TMEFF1: variants seen among roughly 807,000 people sequenced by gnomAD.
TMEFF1 encodes tomoregulin-1.
Under a neutral mutation model 47.5 loss-of-function variants are expected in TMEFF1, and 20 were observed. The ratio of observed to expected loss-of-function variants is 0.42; its 90% CI spans 0.30 to 0.61. The LOEUF (loss-of-function observed/expected upper bound fraction) is 0.61, where lower values mean the gene tolerates loss of function less well. Among genes scored for constraint, TMEFF1 ranks in the 20% least tolerant of loss-of-function variants. The pLI is 0.19. For missense variants in TMEFF1, 411 were observed against 471.1 expected (o/e 0.87, Z 1.18); for synonymous variants, 162 against 166.3 (o/e 0.97, Z 0.20).
intron 5 of TMEFF1, among the ~76,000 whole-genome samples, chr9:100,538,214 G>A (rs1200545264): frequency 6.6e-6 from 1 of 152,066 alleles, no homozygotes; most frequent in Non-Finnish European, 1.5e-5. Context: ...CACCACGCCC[G>A]GCTAATTTTG....
intron 3 of TMEFF1, among the ~76,000 whole-genome samples, chr9:100,511,357 C>T (rs997120533): frequency 5.1e-4 from 78 of 152,132 alleles, no homozygotes; most frequent in Non-Finnish European, 2.9e-4. Flanking sequence ...CAAGACCTCG[C>T]CTTAACCTAA....
Position 100,577,215 on chromosome 9 carries a change from G to A in TMEFF1, c.*615G>A, listed in dbSNP as rs146592842. The A allele has an allele frequency of 5.6e-3, 856 of 152,686 alleles. 6 individuals carry two copies. Among genetic ancestry groups the A allele is most frequent in the Non-Finnish European group, 7.8e-3 (528 of 67,986 alleles). 9.5% of individuals were successfully genotyped at this position (152,686 alleles called of 1,614,324 possible). On this transcript the variant is annotated 3_prime_UTR_variant, in exon 10 of 10. Coordinates refer to ENST00000374879, the MANE Select transcript of TMEFF1 (RefSeq NM_003692.5). ...TAATGATGGAACAGATCAATGAAAAGTAGATATAGATATTGTGAAAATAGG... is the reference window on the plus strand; with the variant it reads ...TAATGATGGAACAGATCAATGAAAAATAGATATAGATATTGTGAAAATAGG...
intron 1 of TMEFF1, among the ~76,000 whole-genome samples, chr9:100,495,233 G>A (rs1032586522): frequency 1.3e-5 from 2 of 152,128 alleles, no homozygotes; most frequent in South Asian, 2.1e-4. Flanking sequence ...AGATAAAAAC[G>A]TTCTCTTTTC....
chr9:100,515,315 T>C (rs1180072645), intron 4 of TMEFF1, among the ~76,000 whole-genome samples: 1 of 152,064 alleles, frequency 6.6e-6, no homozygotes, highest in Non-Finnish European at 1.5e-5. Context: ...TTATGATGTT[T>C]TGGGGCCTCA....
At chr9:100,508,437 A>G (rs1483278237) in intron 2 of TMEFF1, among the ~76,000 whole-genome samples, 1 of 152,034 alleles carries the variant, frequency 6.6e-6, no homozygotes, top group East Asian at 1.9e-4. Context: ...AGCTTACAAT[A>G]ATAGGTATTA....
rs1411803874 is a variant in TMEFF1 at position 100,497,487 on chromosome 9, T to C, written c.197-1278T>C. 2.6e-5 allele frequency among the ~76,000 whole-genome samples: 4 copies of C among 152,106 alleles called. No individual in the cohort carries two copies. In the East Asian group the frequency reaches 7.7e-4, roughly 29 times the overall value. The stretch of plus-strand genomic sequence containing the variant: ...GATCTTGCCCTTGTGCAGTACTTAG[T>C]TGACAGTGACTACTCAAGTAGGTAC... On this transcript the variant is annotated intron_variant, in intron 1 of 9. Coordinates refer to ENST00000374879, the MANE Select transcript of TMEFF1 (RefSeq NM_003692.5).
At chr9:100,486,299 AT>A (rs1297258541) in intron 1 of TMEFF1, among the ~76,000 whole-genome samples, 2 of 152,180 alleles carry the variant, frequency 1.3e-5, no homozygotes, top group Non-Finnish European at 2.9e-5. Flanking sequence ...CTGGAGTGCA[AT>A]GACGTGATCT....
At chr9:100,514,583 G>T (rs983484398) in intron 4 of TMEFF1, among the ~76,000 whole-genome samples, 2 of 151,810 alleles carry the variant, frequency 1.3e-5, no homozygotes, top group Non-Finnish European at 2.9e-5. Flanking sequence ...GGGCGCAGTG[G>T]CTCATGCCTA....
At chr9:100,564,973 G>C (rs1476032138) in intron 8 of TMEFF1, among the ~76,000 whole-genome samples, 1 of 152,120 alleles carries the variant, frequency 6.6e-6, no homozygotes, top group Admixed American at 6.5e-5. Context: ...AGTCAGGAGA[G>C]TCTCCTGGCT....
intron 5 of TMEFF1, among the ~76,000 whole-genome samples, chr9:100,522,437 T>G (rs1307660765): frequency 7.2e-6 from 1 of 138,688 alleles, no homozygotes; most frequent in Non-Finnish European, 1.6e-5. Flanking sequence ...CTTCTTTTTT[T>G]TTTTTTTTTT....
Position 100,499,528 on chromosome 9 carries a change from C to T in TMEFF1, c.306+654C>T, listed in dbSNP as rs911102382. ...CTCTGATGGTTGATTTGATATGAGG[C>T]GAAAAAGGAACTAGAATTTTTTTTC... On this transcript the variant is annotated intron_variant, in intron 2 of 9. Transcript: ENST00000374879. Among the ~76,000 whole-genome samples the T allele has an allele frequency of 1.6e-4, 24 of 151,992 alleles. 1 individual carries two copies. The highest frequency in any genetic ancestry group is 6.6e-5 in the Admixed American group (1 of 15,258).
chr9:100,557,967 A>G (rs1281228354), intron 7 of TMEFF1, among the ~76,000 whole-genome samples: 1 of 152,178 alleles, frequency 6.6e-6, no homozygotes, highest in African/African-American at 2.4e-5. Flanking sequence ...ACGTTGTCAC[A>G]GGATTCAAAG....
intron 1 of TMEFF1, among the ~76,000 whole-genome samples, chr9:100,496,542 T>G (rs1391094034): frequency 6.6e-6 from 1 of 152,230 alleles, no homozygotes; most frequent in African/African-American, 2.4e-5. Context: ...GCCCAGCCAG[T>G]GGGACCAAGC....
Position 100,482,174 on chromosome 9 carries a change from CTTCTT to C in TMEFF1, c.196+8446_196+8450del, listed in dbSNP as rs970018625. ...TATTTTTCTGCCGACTCTTCTTCTT[CTTCTT>C]TTCTTTTCTTTCTTTCTTTCTTTTC... On this transcript the variant is annotated intron_variant, in intron 1 of 9. Transcript: ENST00000374879. 2.0e-5 allele frequency among the ~76,000 whole-genome samples: 3 copies of C among 151,220 alleles called. No homozygotes were observed. In the South Asian group the frequency reaches 6.3e-4, roughly 32 times the overall value.
At chr9:100,570,516 C>A (rs1739502486) in intron 8 of TMEFF1, among the ~76,000 whole-genome samples, 1 of 152,018 alleles carries the variant, frequency 6.6e-6, no homozygotes, top group Non-Finnish European at 1.5e-5. Flanking sequence ...CCAGTTAGCA[C>A]CATTTGTTGA....
intron 5 of TMEFF1, among the ~76,000 whole-genome samples, chr9:100,522,540 C>T (rs1043927670): frequency 6.8e-6 from 1 of 146,550 alleles, no homozygotes; most frequent in Non-Finnish European, 1.5e-5. Context: ...CGGGTTCAAG[C>T]AGTTCTCTGC....
intron 8 of TMEFF1, among the ~76,000 whole-genome samples, chr9:100,561,961 G>A (rs1839025549): frequency 1.3e-5 from 2 of 152,140 alleles, no homozygotes; most frequent in African/African-American, 2.4e-5. Context: ...TGGAAAGGGC[G>A]TAAATCCTCA....
chr9:100,524,855 T>C (rs928009392), intron 5 of TMEFF1, among the ~76,000 whole-genome samples: 2 of 152,322 alleles, frequency 1.3e-5, no homozygotes, highest in Admixed American at 6.5e-5. Flanking sequence ...ACTTGTCATT[T>C]ACATTAGGTA....
rs998487562 is a variant in TMEFF1, at chr9:100,530,428, T to C, written c.560+13657T>C. ...TATCACCACCGATCCCACAGAAATA[T>C]AAACTACCATCAGAGAATACTACAA... On this transcript the variant is annotated intron_variant, in intron 5 of 9. Coordinates refer to ENST00000374879, the MANE Select transcript of TMEFF1 (RefSeq NM_003692.5). 7.2e-5 allele frequency among the ~76,000 whole-genome samples: 11 copies of C among 151,958 alleles called. No individual in the cohort carries two copies. In the South Asian group the frequency reaches 1.2e-3, roughly 17 times the overall value.
Sources: gnomAD v4.1 joint callset for allele counts (sites outside exome capture counted in the v4.1 genomes callset) on GRCh38, gnomAD v4.1.1 for gene constraint, MANE v1.5 for transcripts, NCBI Gene and HGNC (gene_info 2026-07-23, HGNC 2026-07-21) for gene names.